PRIM2: variants seen among roughly 807,000 people sequenced by gnomAD.
PRIM2 encodes DNA primase subunit 2, also known as DNA primase large subunit.
PRIM2 carries 39 observed loss-of-function variants against 67.3 expected under a neutral mutation model. The observed-to-expected ratio is 0.58, with a 90% CI of 0.45 to 0.76. The LOEUF is 0.76. Among genes scored for constraint, PRIM2 ranks in the 30% least tolerant of loss-of-function variants. The pLI is 0.00. For synonymous variants in PRIM2, 143 were observed against 198.7 expected, an observed-to-expected ratio of 0.72 and a Z score of 2.36; for missense variants, 398 against 598.7, an observed-to-expected ratio of 0.66 and a Z score of 3.50.
At chr6:57,510,670 C>A (rs1774346497) in intron 8 of PRIM2, among the ~76,000 whole-genome samples, 1 of 152,104 alleles carries the variant, frequency 6.6e-6, no homozygotes, top group Non-Finnish European at 1.5e-5. Context: ...AAAACGGTTT[C>A]TCATTTTATT....
chr6:57,416,424 G>T (rs58772182), intron 7 of PRIM2, among the ~76,000 whole-genome samples: 1 of 152,148 alleles, frequency 6.6e-6, no homozygotes, highest in South Asian at 2.1e-4. Flanking sequence ...AAGCAGAGTG[G>T]ATTTGGCCTA....
chr6:57,275,177 A>G, the PRIM2 span, among the ~76,000 whole-genome samples: 1 of 152,102 alleles, frequency 6.6e-6, no homozygotes, highest in African/African-American at 2.4e-5. Context: ...AGCAGACGAA[A>G]TACCAATTTT....
At chr6:57,523,092 G>GA (rs1159687336) in intron 8 of PRIM2, among the ~76,000 whole-genome samples, 36 of 151,862 alleles carry the variant, frequency 2.4e-4, no homozygotes, top group Admixed American at 8.5e-4. Flanking sequence ...TAAGAACAGA[G>GA]AAAAAAAATC....
At chr6:57,234,770 G>A in the PRIM2 span, among the ~76,000 whole-genome samples, 15 of 152,044 alleles carry the variant, frequency 9.9e-5, no homozygotes, top group African/African-American at 3.1e-4. Context: ...TGACCCACCC[G>A]CCTTGGCCTC....
intron 13 of PRIM2, among the ~76,000 whole-genome samples, chr6:57,639,485 C>T (rs1326705088): frequency 2.0e-5 from 3 of 151,576 alleles, no homozygotes; most frequent in Non-Finnish European, 2.9e-5. Flanking sequence ...AAAAGATCAA[C>T]AAAATTGATA....
chr6:57,318,745 T>C, intron 2 of PRIM2, 146 bp downstream of exon 2: 1 of 673,694 alleles, frequency 1.5e-6, no homozygotes, highest in Non-Finnish European at 2.5e-6. Context: ...CATTCAGCAA[T>C]CCATTCAACA....
chr6:57,565,377 G>A (rs1347386359), intron 10 of PRIM2, among the ~76,000 whole-genome samples: 2 of 148,250 alleles, frequency 1.3e-5, no homozygotes, highest in Non-Finnish European at 3.0e-5. Context: ...TGAGGAACTG[G>A]CTCATGTGAT....
At chr6:57,311,967 T>C (rs1166372286), upstream of PRIM2, among the ~76,000 whole-genome samples, 1 of 122,188 alleles carries the variant, frequency 8.2e-6, no homozygotes, top group Non-Finnish European at 1.6e-5. Context: ...GCCGAGATCA[T>C]GGCGGTACAG....
chr6:57,641,504 A>G lies in PRIM2; in HGVS notation c.1300-4424A>G, dbSNP rs1393517397. Among the ~76,000 whole-genome samples, 601 of 152,350 alleles carry G rather than the reference A, an allele frequency of 3.9e-3. 2 individuals carry two copies. Among genetic ancestry groups the G allele is most frequent in the Non-Finnish European group, 6.3e-3 (427 of 68,024 alleles). ...CAATCTATCCATCTGACAAAGGGCTAATATCCAGAATCTACAAAGAACTTA... is the reference window on the plus strand; with the variant it reads ...CAATCTATCCATCTGACAAAGGGCTGATATCCAGAATCTACAAAGAACTTA... On this transcript the variant is annotated intron_variant, in intron 13 of 13. Coordinates refer to ENST00000615550, the MANE Select transcript of PRIM2 (RefSeq NM_000947.5).
At chr6:57,294,814 C>CTT in the PRIM2 span, among the ~76,000 whole-genome samples, 44 of 144,124 alleles carry the variant, frequency 3.1e-4, no homozygotes, top group Non-Finnish European at 5.0e-4. Context: ...CATTTTATGA[C>CTT]TTTTTTTTTT....
intron 9 of PRIM2, among the ~76,000 whole-genome samples, chr6:57,536,905 G>T (rs1317712594): frequency 1.3e-5 from 2 of 152,066 alleles, no homozygotes; most frequent in African/African-American, 4.8e-5. Context: ...GAACTGTTCT[G>T]CATGTTGACT....
chr6:57,629,419 G>A lies in PRIM2; in HGVS notation c.1231-2714G>A, dbSNP rs1348583381. Among the ~76,000 whole-genome samples the A allele has an allele frequency of 3.3e-5, 5 of 152,228 alleles. No individual in the cohort carries two copies. In the East Asian group the frequency reaches 7.7e-4, roughly 23 times the overall value. On this transcript the variant is annotated intron_variant, in intron 12 of 13. Transcript: ENST00000615550. ...TTGTTTTTCATATTCGCATTTTCCCGAGTTTTAGAACTAGTTATTTAGGAA... is the reference window on the plus strand; with the variant it reads ...TTGTTTTTCATATTCGCATTTTCCCAAGTTTTAGAACTAGTTATTTAGGAA...
intron 5 of PRIM2, among the ~76,000 whole-genome samples, chr6:57,341,371 G>T (rs1251011937): frequency 1.3e-5 from 2 of 152,152 alleles, no homozygotes; most frequent in East Asian, 3.8e-4. Context: ...TGTGGCTGAT[G>T]GGGATTCATG....
intron 7 of PRIM2, among the ~76,000 whole-genome samples, chr6:57,412,954 C>T (rs1332533173): frequency 6.6e-6 from 1 of 152,074 alleles, no homozygotes; most frequent in Non-Finnish European, 1.5e-5. Flanking sequence ...TTATCTTCTC[C>T]TTTCTTCGAA....
Position 57,645,333 on chromosome 6 carries a change from A to T in PRIM2, c.1300-595A>T, listed in dbSNP as rs1180141516. Among the ~76,000 whole-genome samples, 183 of 116,058 alleles carry T rather than the reference A, an allele frequency of 1.6e-3. 1 individual carries two copies. The East Asian group carries it at 0.049, about 31-fold the overall frequency. 76.1% of individuals were successfully genotyped at this position (116,058 alleles called of 152,430 possible). On this transcript the variant is annotated intron_variant, in intron 13 of 13. Transcript: ENST00000615550. ...CATACAATGTCATTCACACACACAC[A>T]CACACACACACACACACACACACAC...
chr6:57,583,037 G>A (rs1390058857), intron 10 of PRIM2, among the ~76,000 whole-genome samples: 1 of 146,592 alleles, frequency 6.8e-6, no homozygotes, highest in Non-Finnish European at 1.5e-5. Context: ...AACATGTGGT[G>A]TTTGGTTTTT....
At chr6:57,489,858 G>A (rs1554345793) in intron 7 of PRIM2, among the ~76,000 whole-genome samples, 19 of 151,902 alleles carry the variant, frequency 1.3e-4, no homozygotes, top group Admixed American at 9.2e-4. Context: ...GTATGTCTGT[G>A]TATGTGGTTT....
At chr6:57,297,112 G>A in the PRIM2 span, among the ~76,000 whole-genome samples, 1 of 152,044 alleles carries the variant, frequency 6.6e-6, no homozygotes, top group Non-Finnish European at 1.5e-5. Context: ...TTTTTTAACA[G>A]TAGAATTCTA....
intron 5 of PRIM2, among the ~76,000 whole-genome samples, chr6:57,347,437 TA>T (rs970842738): frequency 4.7e-4 from 71 of 149,702 alleles, no homozygotes; most frequent in African/African-American, 1.7e-3. Context: ...TTCACATGGG[TA>T]AAAAAATTTA....
Sources: gnomAD v4.1 joint callset for allele counts (sites outside exome capture counted in the v4.1 genomes callset) on GRCh38, gnomAD v4.1.1 for gene constraint, MANE v1.5 for transcripts, NCBI Gene and HGNC (gene_info 2026-07-23, HGNC 2026-07-21) for gene names.